The following NRXN3 variants were observed in gnomAD, a reference collection of about 807,000 sequenced individuals.
The protein encoded by NRXN3 is neurexin III.
Under a neutral mutation model 137.6 loss-of-function variants are expected in NRXN3, and 32 were observed. The observed-to-expected ratio is 0.23, with a 90% confidence interval of 0.18 to 0.31. NRXN3 has a LOEUF of 0.31. Among genes scored for constraint, NRXN3 ranks in the 10% least tolerant of loss-of-function variants. The pLI, the probability that NRXN3 is intolerant of heterozygous loss-of-function variation, is 1.00. For synonymous variants in NRXN3, 798 were observed against 784.5 expected, an observed-to-expected ratio of 1.02 and a Z score of -0.29; for missense variants, 1,574 against 2,062.5, an observed-to-expected ratio of 0.76 and a Z score of 4.59.
At chr14:79,539,784 A>G (rs1018486451) in intron 16 of NRXN3, among the ~76,000 whole-genome samples, 17 of 152,210 alleles carry the variant, frequency 1.1e-4, no homozygotes, top group East Asian at 3.9e-4. Flanking sequence ...ATAGGAGACA[A>G]TGCACATTCT....
intron 17 of NRXN3, among the ~76,000 whole-genome samples, chr14:79,671,728 TTA>T (rs1440832263): frequency 6.6e-6 from 1 of 152,046 alleles, no homozygotes; most frequent in Non-Finnish European, 1.5e-5. Context: ...GGCTTGTATC[TTA>T]TAAGTTAAAT....
chr14:78,948,788 C>T (rs184684945), intron 10 of NRXN3, among the ~76,000 whole-genome samples: 344 of 152,226 alleles, frequency 2.3e-3, no homozygotes, highest in Non-Finnish European at 2.9e-3. Flanking sequence ...TCTCCCATAT[C>T]CTCCATGCCC....
At chr14:79,589,320 C>G (rs1462349576) in intron 16 of NRXN3, among the ~76,000 whole-genome samples, 1 of 152,060 alleles carries the variant, frequency 6.6e-6, no homozygotes, top group Non-Finnish European at 1.5e-5. Flanking sequence ...CTATCAGATA[C>G]TAGCCCTTAT....
intron 16 of NRXN3, among the ~76,000 whole-genome samples, chr14:79,483,770 CGTGTGTGTGTGTGGGTGG>C (rs1182833235): frequency 2.1e-5 from 3 of 142,158 alleles, no homozygotes; most frequent in Non-Finnish European, 4.4e-5. Context: ...GGAAATGATG[CGTGTGTGTGTGTGGGTGG>C]GTGTGTGTGT....
intron 15 of NRXN3, among the ~76,000 whole-genome samples, chr14:79,045,739 T>C (rs1344390844): frequency 6.6e-6 from 1 of 152,146 alleles, no homozygotes; most frequent in Non-Finnish European, 1.5e-5. Context: ...CAAGATAACG[T>C]TTTTTCATGG....
intron 15 of NRXN3, among the ~76,000 whole-genome samples, chr14:79,020,513 C>A (rs2099587821): frequency 6.6e-6 from 1 of 150,774 alleles, no homozygotes; most frequent in African/African-American, 2.4e-5. Context: ...GATCCACCTG[C>A]CTCTGCCTCC....
chr14:79,383,415 G>A (rs1172748548), intron 15 of NRXN3, among the ~76,000 whole-genome samples: 1 of 152,120 alleles, frequency 6.6e-6, no homozygotes, highest in Non-Finnish European at 1.5e-5. Flanking sequence ...AATCCATCAT[G>A]TGTCCCAAGG....
intron 20 of NRXN3, among the ~76,000 whole-genome samples, chr14:79,830,530 C>T (rs767182733): frequency 1.7e-4 from 26 of 152,110 alleles, no homozygotes; most frequent in Non-Finnish European, 1.8e-4. Context: ...GTAAAGGGGG[C>T]TTTTGCTTTT....
intron 4 of NRXN3, among the ~76,000 whole-genome samples, chr14:78,601,080 T>A (rs995492704): frequency 1.3e-5 from 2 of 152,194 alleles, no homozygotes; most frequent in African/African-American, 4.8e-5. Flanking sequence ...TCTGCCTCCA[T>A]GTGTCCAGGA....
chr14:79,612,202 C>T (rs912579959), intron 16 of NRXN3, among the ~76,000 whole-genome samples: 2 of 152,172 alleles, frequency 1.3e-5, no homozygotes, highest in African/African-American at 4.8e-5. Flanking sequence ...TTATATTTCA[C>T]CCTATTACTA....
chr14:79,608,451 G>T (rs367858594), intron 16 of NRXN3, among the ~76,000 whole-genome samples: 1 of 152,178 alleles, frequency 6.6e-6, no homozygotes. Flanking sequence ...GATTTCTCTG[G>T]TGTTGTGAAG....
At chr14:79,257,343 C>T (rs866636050) in intron 15 of NRXN3, among the ~76,000 whole-genome samples, 1 of 12,688 alleles carries the variant, frequency 7.9e-5, no homozygotes, top group Non-Finnish European at 1.5e-4. Context: ...TGTCTTATTC[C>T]TGGTGGTGGT....
chr14:79,466,829 G>A (rs1254087898), intron 15 of NRXN3, among the ~76,000 whole-genome samples: 1 of 152,022 alleles, frequency 6.6e-6, no homozygotes. Context: ...TAAGAGATAG[G>A]GGACTAGTTT....
intron 4 of NRXN3, among the ~76,000 whole-genome samples, chr14:78,363,889 C>T (rs1176007336): frequency 1.3e-5 from 2 of 152,240 alleles, no homozygotes; most frequent in African/African-American, 2.4e-5. Context: ...AACCTCCCTT[C>T]TCAAATTCTT....
At chr14:78,285,079 G>A (rs947924212) in intron 3 of NRXN3, among the ~76,000 whole-genome samples, 3 of 152,114 alleles carry the variant, frequency 2.0e-5, no homozygotes, top group African/African-American at 7.2e-5. Flanking sequence ...TGGGCAATAG[G>A]CTTCTTTTCT....
At chr14:78,865,612 A>G (rs1387569110) in intron 10 of NRXN3, among the ~76,000 whole-genome samples, 1 of 152,202 alleles carries the variant, frequency 6.6e-6, no homozygotes, top group Non-Finnish European at 1.5e-5. Flanking sequence ...AACTAGATTT[A>G]TACATTGTGA....
rs541021058 is a variant in NRXN3 at position 79,845,261 on chromosome 14, A to T, written c.4094-16081A>T. ...AATAAGGCTGTTTTACTTTCTTATCATTCGGGTATTTACTGGAACAACAAT... is the reference window on the plus strand; with the variant it reads ...AATAAGGCTGTTTTACTTTCTTATCTTTCGGGTATTTACTGGAACAACAAT... On this transcript the variant is annotated intron_variant, in intron 20 of 20. Transcript: ENST00000335750. Among the ~76,000 whole-genome samples, 11 of 152,274 alleles carry T rather than the reference A, an allele frequency of 7.2e-5. No homozygotes were observed. The East Asian group carries it at 2.1e-3, about 29-fold the overall frequency.
At chr14:79,222,134 C>T (rs2069839160) in intron 15 of NRXN3, among the ~76,000 whole-genome samples, 1 of 152,084 alleles carries the variant, frequency 6.6e-6, no homozygotes, top group African/African-American at 2.4e-5. Context: ...GGTACCAGTA[C>T]CATGCTGTTT....
rs184307963 is a variant in NRXN3, at chr14:79,196,617, C to T, written c.3262+208476C>T. Among the ~76,000 whole-genome samples, 478 of 151,450 alleles carry T rather than the reference C, an allele frequency of 3.2e-3. 6 individuals carry two copies. The highest frequency in any genetic ancestry group is 2.0e-3 in the Non-Finnish European group (134 of 67,890). On this transcript the variant is annotated intron_variant, in intron 15 of 20. Coordinates refer to ENST00000335750, the MANE Select transcript of NRXN3 (RefSeq NM_001330195.2). Reference sequence around the variant, plus strand: ...CAAACATCCACTCTGTAGAATGTTGCCCTTAATATGCTGTGATTGATATAG... The same window carrying T: ...CAAACATCCACTCTGTAGAATGTTGTCCTTAATATGCTGTGATTGATATAG...
Sources: allele counts gnomAD v4.1 joint callset (sites outside exome capture counted in the v4.1 genomes callset), GRCh38; gene constraint gnomAD v4.1.1; transcripts MANE v1.5; gene names NCBI Gene and HGNC (gene_info 2026-07-23, HGNC 2026-07-21).